The following ZNF160 variants were observed in gnomAD, a reference collection of about 807,000 sequenced individuals.
The protein encoded by ZNF160 is zinc finger protein 160, also known as KRAB zinc finger protein KR18.
Under a neutral mutation model 13.1 loss-of-function variants are expected in ZNF160, and 9 were observed. The ratio of observed to expected loss-of-function variants is 0.69; its 90% CI spans 0.41 to 1.20. The LOEUF (loss-of-function observed/expected upper bound fraction) is 1.20, where lower values mean the gene tolerates loss of function less well. Ranked by LOEUF, ZNF160 falls within the 50% of genes most tolerant of loss-of-function variation. The pLI is 0.01. For synonymous variants in ZNF160, 293 were observed against 333.2 expected (o/e 0.88, Z 1.31); for missense variants, 838 against 988.0 (o/e 0.85, Z 2.04).
intron 2 of ZNF160, among the ~76,000 whole-genome samples, chr19:53,087,895 G>A (rs1461382925): frequency 6.6e-6 from 1 of 152,174 alleles, no homozygotes; most frequent in African/African-American, 2.4e-5. Flanking sequence ...TGCCTGTTGG[G>A]ACATCCCTGT....
chr19:53,087,795 G>A (rs1437295397), intron 2 of ZNF160, among the ~76,000 whole-genome samples: 2 of 152,112 alleles, frequency 1.3e-5, no homozygotes, highest in Admixed American at 6.5e-5. Flanking sequence ...CAGGTGATCC[G>A]CCTGCCTCGG....
rs1185852611 is a variant in ZNF160 at position 53,066,841 on chromosome 19, G to A, written c.*1236C>T. On this transcript the variant is annotated 3_prime_UTR_variant, in exon 6 of 6. Coordinates refer to ENST00000683776, the MANE Select transcript of ZNF160 (RefSeq NM_001322131.2). ...CTTGTTGCCCAGGCTGGAGTGCAGT[G>A]GCATGATCTTGGCTCACCACAACCT... The A allele has an allele frequency of 6.6e-6, 1 of 152,156 alleles. No individual in the cohort carries two copies. Among genetic ancestry groups the A allele is most frequent in the Non-Finnish European group, 1.5e-5 (1 of 68,042 alleles). 9.4% of individuals were successfully genotyped at this position (152,156 alleles called of 1,614,324 possible). A position where few individuals can be genotyped will look rare whatever the true frequency, so the allele number is the denominator to read the frequency against.
At chr19:53,092,332 A>T (rs1264773510) in intron 1 of ZNF160, among the ~76,000 whole-genome samples, 1 of 151,866 alleles carries the variant, frequency 6.6e-6, no homozygotes, top group Non-Finnish European at 1.5e-5. Context: ...TTCTTTTGAG[A>T]CAGAGTCTCC....
intron 1 of ZNF160, among the ~76,000 whole-genome samples, chr19:53,099,828 G>C (rs1044049749): frequency 6.6e-6 from 1 of 152,122 alleles, no homozygotes; most frequent in Non-Finnish European, 1.5e-5. Flanking sequence ...GATTTACTGA[G>C]GGCTAGACGG....
At position 53,082,588 on chromosome 19, in the gene ZNF160, T is replaced by G. The variant is rs2084674592; in HGVS notation, c.15+3674A>C. ...CAGAGGCTAAGGTGGGAGGATCACT[T>G]GAGCCCCAGAGATCAAGGCTGCAGT... On this transcript the variant is annotated intron_variant, in intron 3 of 5. Transcript: ENST00000683776. 1.3e-5 allele frequency among the ~76,000 whole-genome samples: 2 copies of G among 152,210 alleles called. 1 individual carries two copies. The highest frequency in any genetic ancestry group is 4.1e-4 in the South Asian group (2 of 4,826).
chr19:53,073,418 C>T (rs369042180), intron 5 of ZNF160: 54 of 1,598,320 alleles, frequency 3.4e-5, no homozygotes, highest in Middle Eastern at 1.6e-4. Flanking sequence ...CGAGGGACCT[C>T]GACAGGCGGA....
chr19:53,094,543 T>C (rs1250694785), intron 1 of ZNF160, among the ~76,000 whole-genome samples: 1 of 152,262 alleles, frequency 6.6e-6, no homozygotes, highest in East Asian at 1.9e-4. Flanking sequence ...GTGATCCTCT[T>C]AATGGTAGGA....
chr19:53,082,911 G>A (rs981289629), intron 3 of ZNF160, among the ~76,000 whole-genome samples: 1 of 152,028 alleles, frequency 6.6e-6, no homozygotes, highest in Admixed American at 6.5e-5. Context: ...ATTAATCAGG[G>A]TTCCTGTAAC....
chr19:53,073,879 G>A (rs553485331), intron 5 of ZNF160, among the ~76,000 whole-genome samples: 25 of 152,194 alleles, frequency 1.6e-4, no homozygotes, highest in Admixed American at 9.2e-4. Context: ...TCCACCTCCC[G>A]GGTTCAAGCA....
At chr19:53,102,199 A>G (rs1278766554) in intron 1 of ZNF160, among the ~76,000 whole-genome samples, 1 of 151,134 alleles carries the variant, frequency 6.6e-6, no homozygotes, top group Non-Finnish European at 1.5e-5. Flanking sequence ...CAATCTTTTC[A>G]TCGTCCCAAT....
chr19:53,089,884 T>C (rs76886710), intron 2 of ZNF160, among the ~76,000 whole-genome samples: 14,497 of 151,276 alleles, frequency 0.096, 829 homozygotes, highest in South Asian at 0.14. Flanking sequence ...TCTCCTGCTC[T>C]TTCTCCCCTT....
Position 53,081,291 on chromosome 19 carries a change from G to A in ZNF160, c.15+4971C>T, listed in dbSNP as rs866457260. Among the ~76,000 whole-genome samples the A allele has an allele frequency of 3.3e-5, 5 of 152,200 alleles. No homozygotes were observed. The South Asian group carries it at 8.3e-4, about 25-fold the overall frequency. ...CAAGTGGAACTTAATTAAAGAGCTT[G>A]TACACAGAAAAACAAACTATCAACA... On this transcript the variant is annotated intron_variant, in intron 3 of 5. Coordinates refer to ENST00000683776, the MANE Select transcript of ZNF160 (RefSeq NM_001322131.2).
Position 53,067,929 on chromosome 19 carries a change from A to G in ZNF160, c.*148T>C, listed in dbSNP as rs1042552660. ...TAGACCCTCTGCCACATATGTTTACATGATGTCTCTTGCTTATGGCCTCTC... is the reference window on the plus strand; with the variant it reads ...TAGACCCTCTGCCACATATGTTTACGTGATGTCTCTTGCTTATGGCCTCTC... On this transcript the variant is annotated 3_prime_UTR_variant, in exon 6 of 6. Transcript: ENST00000683776. 8.0e-6 allele frequency: 9 copies of G among 1,119,758 alleles called. No individual in the cohort carries two copies. The highest frequency in any genetic ancestry group is 1.6e-5 in the African/African-American group (1 of 64,358). The allele number at this position is 1,119,758 out of a possible 1,614,324, so 69.4% of individuals were successfully genotyped here.
chr19:53,087,837 C>T (rs532414908), intron 2 of ZNF160, among the ~76,000 whole-genome samples: 116 of 152,318 alleles, frequency 7.6e-4, no homozygotes, highest in African/African-American at 2.7e-3. Flanking sequence ...TAGGCATGAG[C>T]CACTGTGCCC....
chr19:53,080,245 A>G (rs1352880598), intron 3 of ZNF160, among the ~76,000 whole-genome samples: 1 of 151,950 alleles, frequency 6.6e-6, no homozygotes, highest in African/African-American at 2.4e-5. Context: ...GATTACAGGC[A>G]TGCACCACCA....
chr19:53,067,227 C>T lies in ZNF160; in HGVS notation c.*850G>A, dbSNP rs2083997635. The T allele has an allele frequency of 6.6e-6, 1 of 152,182 alleles. No homozygotes were observed. Among genetic ancestry groups the T allele is most frequent in the Non-Finnish European group, 1.5e-5 (1 of 68,048 alleles). 9.4% of individuals were successfully genotyped at this position (152,182 alleles called of 1,614,324 possible). A position where few individuals can be genotyped will look rare whatever the true frequency, so the allele number is the denominator to read the frequency against. The stretch of plus-strand genomic sequence containing the variant: ...GTCTAATTACCTATTACTCTCCTCC[C>T]ACAAAAATCCCAATGTCCTAAGGTC... On this transcript the variant is annotated 3_prime_UTR_variant, in exon 6 of 6. Coordinates refer to ENST00000683776, the MANE Select transcript of ZNF160 (RefSeq NM_001322131.2).
At chr19:53,088,072 G>A (rs1032809068) in intron 2 of ZNF160, among the ~76,000 whole-genome samples, 22 of 152,326 alleles carry the variant, frequency 1.4e-4, no homozygotes, top group African/African-American at 5.1e-4. Context: ...ACTGAGCCAT[G>A]AGCACTTGCA....
intron 3 of ZNF160, among the ~76,000 whole-genome samples, chr19:53,082,846 C>T (rs748634193): frequency 5.3e-5 from 8 of 151,598 alleles, no homozygotes; most frequent in East Asian, 1.9e-4. Flanking sequence ...AGTCCCACTT[C>T]GGGCGCCAAC....
At chr19:53,087,583 T>C (rs2084886918) in intron 2 of ZNF160, among the ~76,000 whole-genome samples, 1 of 152,128 alleles carries the variant, frequency 6.6e-6, no homozygotes, top group African/African-American at 2.4e-5. Context: ...AGAGTTTCAC[T>C]CTTGTTGCCC....
Sources: allele counts gnomAD v4.1 joint callset (sites outside exome capture counted in the v4.1 genomes callset), GRCh38; gene constraint gnomAD v4.1.1; transcripts MANE v1.5; gene names NCBI Gene and HGNC (gene_info 2026-07-23, HGNC 2026-07-21).